CPSF4L: variants seen among roughly 807,000 people sequenced by gnomAD.
CPSF4L encodes cleavage and polyadenylation specific factor 4 like.
In CPSF4L, 18 loss-of-function variants were observed where a neutral mutation model predicts 24.0. The observed-to-expected ratio is 0.75, with a 90% confidence interval of 0.52 to 1.11. The LOEUF is 1.11. Among genes scored for constraint, CPSF4L ranks in the 50% least tolerant of loss-of-function variants. The pLI is 0.00. For missense variants in CPSF4L, 211 were observed against 221.8 expected (o/e 0.95, Z 0.31); for synonymous variants, 72 against 77.2 (o/e 0.93, Z 0.35).
chr17:73,260,113 C>G (rs2145283996), intron 2 of CPSF4L, among the ~76,000 whole-genome samples: 1 of 152,216 alleles, frequency 6.6e-6, no homozygotes, highest in East Asian at 1.9e-4. Context: ...TTTTTGATAG[C>G]ATTTCAAAGA....
At chr17:73,260,869 G>A (rs2062042325) in intron 2 of CPSF4L, 64 bp downstream of exon 2, 1 of 1,379,608 alleles carries the variant, frequency 7.2e-7, no homozygotes. Flanking sequence ...AGCCCCTGCT[G>A]GGTGTAGCTC....
At chr17:73,245,135 C>T (rs760520828), downstream of CPSF4L, 12 of 1,610,700 alleles carry the variant, frequency 7.5e-6, no homozygotes, top group Admixed American at 3.3e-5. Flanking sequence ...AGTGGCCTCT[C>T]GGATCCTTAC....
At chr17:73,242,966 C>T in the CPSF4L span, 1 of 1,613,836 alleles carries the variant, frequency 6.2e-7, no homozygotes, top group Non-Finnish European at 8.5e-7. Flanking sequence ...TCACAGGATA[C>T]TTCGTCCTGT....
chr17:73,242,252 T>C, the CPSF4L span: 4 of 1,583,128 alleles, frequency 2.5e-6, no homozygotes, highest in Non-Finnish European at 3.4e-6. Context: ...AGTTTCTTTG[T>C]TGGAACGAAG....
intron 2 of CPSF4L, among the ~76,000 whole-genome samples, chr17:73,259,016 A>T (rs1214238495): frequency 3.4e-5 from 5 of 146,748 alleles, no homozygotes; most frequent in Non-Finnish European, 6.0e-5. Context: ...ATTAGCAGGA[A>T]GGACACCCAG....
chr17:73,263,496 G>T (rs962708925), upstream of CPSF4L, among the ~76,000 whole-genome samples: 1 of 152,184 alleles, frequency 6.6e-6, no homozygotes, highest in African/African-American at 2.4e-5. Context: ...ATGATGATGG[G>T]GAGAGAATGT....
At chr17:73,245,079 A>AAAAG, downstream of CPSF4L, 1 of 1,273,760 alleles carries the variant, frequency 7.9e-7, no homozygotes, top group Non-Finnish European at 1.1e-6. Context: ...TTATAAAACA[A>AAAAG]AAAGAGAATG....
At chr17:73,245,182 CGTAA>C (rs202220073), downstream of CPSF4L, 20,306 of 1,613,396 alleles carry the variant, frequency 0.013, 153 homozygotes, top group Middle Eastern at 0.017. Flanking sequence ...GCAGCGGTGG[CGTAA>C]GTAGTGTTGA....
intron 3 of CPSF4L, among the ~76,000 whole-genome samples, chr17:73,256,182 G>A (rs28370420): frequency 0.021 from 3,153 of 152,252 alleles, 110 homozygotes; most frequent in African/African-American, 0.07. Context: ...AACAAACACC[G>A]AGGGCTATTG....
chr17:73,245,134 T>G, downstream of CPSF4L: 1 of 1,611,236 alleles, frequency 6.2e-7, no homozygotes, highest in Non-Finnish European at 8.5e-7. Context: ...AAGTGGCCTC[T>G]CGGATCCTTA....
chr17:73,258,522 G>A (rs530424430), intron 2 of CPSF4L, among the ~76,000 whole-genome samples: 3 of 150,106 alleles, frequency 2.0e-5, no homozygotes, highest in Non-Finnish European at 4.4e-5. Context: ...GGCTGGTCTC[G>A]AACTCCTGAT....
At chr17:73,245,443 AC>A (rs766564948), downstream of CPSF4L, 355 of 1,169,880 alleles carry the variant, frequency 3.0e-4, no homozygotes, top group Non-Finnish European at 3.6e-4. Context: ...TTAGAGAAAA[AC>A]TAGTTTTGTT....
downstream of CPSF4L, chr17:73,247,584 TC>T (rs1182749088): frequency 2.1e-5 from 9 of 438,642 alleles, no homozygotes; most frequent in Non-Finnish European, 3.7e-5. Context: ...ATATTTTATA[TC>T]CCTGAAAATA....
chr17:73,259,133 T>TAG (rs1331684005), intron 2 of CPSF4L, among the ~76,000 whole-genome samples: 1 of 152,004 alleles, frequency 6.6e-6, no homozygotes, highest in Admixed American at 6.6e-5. Context: ...CTCAACCTCC[T>TAG]AGACTCAGGA....
chr17:73,249,565 T>C (rs2061994189), intron 5 of CPSF4L, among the ~76,000 whole-genome samples: 1 of 152,134 alleles, frequency 6.6e-6, no homozygotes. Context: ...CCTGTCTTTT[T>C]ACCAAGGTGG....
chr17:73,256,102 G>T (rs985065080), intron 3 of CPSF4L, among the ~76,000 whole-genome samples: 1 of 152,176 alleles, frequency 6.6e-6, no homozygotes, highest in Non-Finnish European at 1.5e-5. Context: ...TCTACTAATT[G>T]GAGTTATCTG....
downstream of CPSF4L, chr17:73,245,637 G>A (rs961787773): frequency 3.0e-6 from 3 of 985,222 alleles, no homozygotes; most frequent in African/African-American, 5.2e-5. Context: ...CCCACATCAG[G>A]CCCTTCCCCT....
chr17:73,248,387 GC>G (rs2061981317), downstream of CPSF4L: 1 of 1,013,404 alleles, frequency 9.9e-7, no homozygotes, highest in Non-Finnish European at 1.5e-6. Context: ...ATTTTAAACA[GC>G]CTTATAAGTT....
intron 3 of CPSF4L, 81 bp downstream of exon 3, chr17:73,257,600 C>G: frequency 6.9e-7 from 1 of 1,441,646 alleles, no homozygotes; most frequent in African/African-American, 1.4e-5. Context: ...TCTGCGTGCC[C>G]GCTCCTCTAG....
Sources: gnomAD v4.1 joint callset for allele counts (sites outside exome capture counted in the v4.1 genomes callset) on GRCh38, gnomAD v4.1.1 for gene constraint, MANE v1.5 for transcripts, NCBI Gene and HGNC (gene_info 2026-07-23, HGNC 2026-07-21) for gene names.